Variants in FHIT observed in about 807,000 individuals in gnomAD.
The protein encoded by FHIT is bis(5'-adenosyl)-triphosphatase.
Under a neutral mutation model 17.9 loss-of-function variants are expected in FHIT, and 19 were observed. The ratio of observed to expected loss-of-function variants is 1.06; its 90% CI spans 0.74 to 1.56. FHIT has a LOEUF of 1.56. FHIT is among the 40% of genes most tolerant of loss of function. The probability of loss-of-function intolerance (pLI) is 0.00; values close to 1 mark genes in which losing one functional copy is unlikely to be tolerated. For synonymous variants in FHIT, 81 were observed against 69.7 expected (o/e 1.16, Z -0.81); for missense variants, 248 against 189.2 (o/e 1.31, Z -1.82).
intron 3 of FHIT, among the ~76,000 whole-genome samples, chr3:61,014,808 A>AAAAAAAT (rs1156410696): frequency 0.062 from 1,675 of 26,892 alleles, 276 homozygotes; most frequent in African/African-American, 0.12. Flanking sequence ...AAAAAAAAAA[A>AAAAAAAT]TATATATATA....
At chr3:59,869,150 T>C (rs1010835066) in intron 8 of FHIT, among the ~76,000 whole-genome samples, 3 of 152,214 alleles carry the variant, frequency 2.0e-5, no homozygotes, top group African/African-American at 7.2e-5. Context: ...CCACTGCCTT[T>C]CAAATAAGTT....
intron 3 of FHIT, among the ~76,000 whole-genome samples, chr3:60,875,792 GAGA>G (rs1704623449): frequency 6.6e-6 from 1 of 152,042 alleles, no homozygotes; most frequent in Admixed American, 6.6e-5. Flanking sequence ...CTGAGACTTA[GAGA>G]AGTTAAGCAA....
At chr3:59,947,685 C>T (rs973228835) in intron 7 of FHIT, among the ~76,000 whole-genome samples, 1 of 152,070 alleles carries the variant, frequency 6.6e-6, no homozygotes, top group Non-Finnish European at 1.5e-5. Flanking sequence ...TTGTTCTCTG[C>T]CCCTCAAGGT....
intron 3 of FHIT, among the ~76,000 whole-genome samples, chr3:60,965,760 G>A (rs1326774348): frequency 6.6e-6 from 1 of 152,170 alleles, no homozygotes; most frequent in Non-Finnish European, 1.5e-5. Flanking sequence ...AGCAAATATT[G>A]CAGAATGGCA....
At chr3:60,666,868 T>TC (rs1369254281) in intron 4 of FHIT, among the ~76,000 whole-genome samples, 5 of 147,528 alleles carry the variant, frequency 3.4e-5, no homozygotes, top group African/African-American at 7.4e-5. Flanking sequence ...TCTTTTCTTT[T>TC]TTTTTTTTTT....
intron 2 of FHIT, among the ~76,000 whole-genome samples, chr3:61,186,696 T>C (rs148784761): frequency 6.6e-6 from 1 of 152,210 alleles, no homozygotes; most frequent in Non-Finnish European, 1.5e-5. Context: ...TCTAACCTTT[T>C]GTCAAATGAG....
At chr3:60,211,267 T>C (rs938201869) in intron 5 of FHIT, among the ~76,000 whole-genome samples, 9 of 151,986 alleles carry the variant, frequency 5.9e-5, no homozygotes, top group African/African-American at 2.2e-4. Flanking sequence ...TACATGTATG[T>C]ATATCCACAT....
intron 5 of FHIT, among the ~76,000 whole-genome samples, chr3:60,288,923 T>C (rs999236307): frequency 6.6e-6 from 1 of 152,196 alleles, no homozygotes; most frequent in Non-Finnish European, 1.5e-5. Flanking sequence ...GTGATTTCTA[T>C]TGGTGAGAAA....
chr3:59,780,597 G>T (rs112890836), intron 8 of FHIT, among the ~76,000 whole-genome samples: 1 of 152,250 alleles, frequency 6.6e-6, no homozygotes, highest in Non-Finnish European at 1.5e-5. Context: ...TTGTTAGTAG[G>T]GCCTTCGCAG....
At chr3:60,232,394 T>A (rs1704541026) in intron 5 of FHIT, among the ~76,000 whole-genome samples, 1 of 152,148 alleles carries the variant, frequency 6.6e-6, no homozygotes, top group Non-Finnish European at 1.5e-5. Flanking sequence ...CATTATCTTA[T>A]CCCCCTTAAC....
intron 2 of FHIT, among the ~76,000 whole-genome samples, chr3:61,107,527 T>C (rs2036026149): frequency 6.6e-6 from 1 of 152,176 alleles, no homozygotes; most frequent in African/African-American, 2.4e-5. Context: ...TTCTAATTTT[T>C]TGAGGAAGTT....
intron 7 of FHIT, among the ~76,000 whole-genome samples, chr3:59,972,244 A>T (rs760444843): frequency 6.6e-6 from 1 of 152,084 alleles, no homozygotes; most frequent in Non-Finnish European, 1.5e-5. Flanking sequence ...TTGATGGAAT[A>T]TTCAAGAGGC....
intron 5 of FHIT, among the ~76,000 whole-genome samples, chr3:60,238,744 A>T (rs2107568584): frequency 6.6e-6 from 1 of 152,258 alleles, no homozygotes; most frequent in East Asian, 1.9e-4. Context: ...CAACAAAAAA[A>T]GTTGGCACCT....
In FHIT at chr3:60,358,758, A is replaced by G. The variant is rs563846940; in HGVS notation, c.103+178102T>C. ...CATCAATCAAAAGTCTTGGTTTTGG[A>G]GCCAGGTGAACTGGGTTATAATCTG... On this transcript the variant is annotated intron_variant, in intron 5 of 9. Coordinates refer to ENST00000492590, the MANE Select transcript of FHIT (RefSeq NM_002012.4). Among the ~76,000 whole-genome samples, 4 of 152,314 alleles carry G rather than the reference A, an allele frequency of 2.6e-5. No homozygotes were observed. The East Asian group carries it at 7.7e-4, about 29-fold the overall frequency.
intron 5 of FHIT, among the ~76,000 whole-genome samples, chr3:60,103,712 T>G (rs1576106472): frequency 6.6e-6 from 1 of 152,150 alleles, no homozygotes; most frequent in South Asian, 2.1e-4. Context: ...AAAAGACTGG[T>G]CAGTTAGCCC....
chr3:61,214,071 A>T (rs1172413410), intron 1 of FHIT, among the ~76,000 whole-genome samples: 1 of 152,210 alleles, frequency 6.6e-6, no homozygotes, highest in East Asian at 1.9e-4. Context: ...TCCAAAATTG[A>T]CACCCTAACA....
At chr3:59,894,983 CA>C (rs1024010547) in intron 8 of FHIT, among the ~76,000 whole-genome samples, 3 of 152,210 alleles carry the variant, frequency 2.0e-5, no homozygotes, top group Non-Finnish European at 2.9e-5. Flanking sequence ...CATCAGACAT[CA>C]GGGGCTGGAA....
intron 5 of FHIT, among the ~76,000 whole-genome samples, chr3:60,151,552 C>T (rs1199398571): frequency 6.6e-6 from 1 of 152,116 alleles, no homozygotes; most frequent in Non-Finnish European, 1.5e-5. Flanking sequence ...AAATCTGTAC[C>T]GTGACTTACA....
chr3:60,426,186 T>C (rs542777483), intron 5 of FHIT, among the ~76,000 whole-genome samples: 3 of 152,224 alleles, frequency 2.0e-5, no homozygotes, highest in East Asian at 1.9e-4. Flanking sequence ...AGGAATAAAA[T>C]AGAACCTGAC....
Sources: gnomAD v4.1 joint callset for allele counts (sites outside exome capture counted in the v4.1 genomes callset) on GRCh38, gnomAD v4.1.1 for gene constraint, MANE v1.5 for transcripts, NCBI Gene and HGNC (gene_info 2026-07-23, HGNC 2026-07-21) for gene names.